MGST1: variants seen among roughly 807,000 people sequenced by gnomAD.
The protein encoded by MGST1 is microsomal glutathione S-transferase 1.
MGST1 carries 5 observed loss-of-function variants against 8.9 expected under a neutral mutation model. The ratio of observed to expected loss-of-function variants is 0.56; its 90% CI spans 0.29 to 1.19. The LOEUF (loss-of-function observed/expected upper bound fraction) is 1.19. MGST1 is among the 50% of genes most tolerant of loss of function. The probability of loss-of-function intolerance (pLI) is 0.08; values close to 1 mark genes in which losing one functional copy is unlikely to be tolerated. For missense variants in MGST1, 182 were observed against 187.4 expected (o/e 0.97, Z 0.17); for synonymous variants, 54 against 67.8 (o/e 0.80, Z 1.00).
At chr12:16,539,875 A>G (rs1185734622) in intron 4 of MGST1, among the ~76,000 whole-genome samples, 1 of 152,212 alleles carries the variant, frequency 6.6e-6, no homozygotes, top group Non-Finnish European at 1.5e-5. Flanking sequence ...AAAATAAACA[A>G]GGCCCTTCAT....
At chr12:16,373,877 T>C (rs905235906) in intron 3 of MGST1, among the ~76,000 whole-genome samples, 5 of 152,174 alleles carry the variant, frequency 3.3e-5, no homozygotes, top group African/African-American at 1.2e-4. Context: ...TGTTAAAGGA[T>C]TGAAATATTG....
intron 4 of MGST1, among the ~76,000 whole-genome samples, chr12:16,521,078 C>T (rs1433136510): frequency 2.0e-5 from 3 of 152,084 alleles, no homozygotes; most frequent in South Asian, 2.1e-4. Flanking sequence ...GATGACAGCA[C>T]GCAATTGATT....
At chr12:16,518,068 C>T (rs148719953) in intron 4 of MGST1, among the ~76,000 whole-genome samples, 92 of 152,294 alleles carry the variant, frequency 6.0e-4, no homozygotes, top group Non-Finnish European at 1.0e-3. Context: ...GTGACCACAA[C>T]GCATCCATGT....
chr12:16,453,634 T>C (rs963744210), intron 4 of MGST1, among the ~76,000 whole-genome samples: 2 of 151,922 alleles, frequency 1.3e-5, no homozygotes, highest in African/African-American at 2.4e-5. Context: ...AATGTCGGGA[T>C]CAAGGTGTTG....
rs541666988 is a variant in MGST1 at position 16,497,324 on chromosome 12, G to A, written n.483-92204G>A. Reference sequence around the variant, plus strand: ...ACAAATAATAGTTCTTTTTAATCATGGAAATGAGGTAGTGTTAATCAAGCA... The same window carrying A: ...ACAAATAATAGTTCTTTTTAATCATAGAAATGAGGTAGTGTTAATCAAGCA... On this transcript the variant is annotated intron_variant and non_coding_transcript_variant, in intron 4 of 4. Transcript: ENST00000538857. This position sits in a 1 kb window ranked among gnomAD's most constrained non-coding sequence, Gnocchi z 4.4. Among the ~76,000 whole-genome samples the A allele has an allele frequency of 3.9e-5, 6 of 152,198 alleles. No homozygotes were observed. Among genetic ancestry groups the A allele is most frequent in the Non-Finnish European group, 7.4e-5 (5 of 67,984 alleles).
At position 16,384,528 on chromosome 12, in the gene MGST1, C is replaced by T. The variant is rs140909753; in HGVS notation, n.778+924C>T. ...AGGTAGGAGAGAGGCAAGGAACAGA[C>T]GCCCTGGAGAATCCAGACAGAACCA... On this transcript the variant is annotated intron_variant and non_coding_transcript_variant, in intron 1 of 1. Transcript: ENST00000359720. Among the ~76,000 whole-genome samples the T allele has an allele frequency of 2.3e-3, 346 of 152,292 alleles. 2 individuals carry two copies. Among genetic ancestry groups the T allele is most frequent in the African/African-American group, 7.6e-3 (314 of 41,554 alleles).
intron 4 of MGST1, among the ~76,000 whole-genome samples, chr12:16,520,644 C>G (rs1263090337): frequency 1.3e-5 from 2 of 152,142 alleles, no homozygotes; most frequent in African/African-American, 4.8e-5. Flanking sequence ...ATGTCTGTCT[C>G]TCCTCTCCCT....
In MGST1 at chr12:16,484,447, C is replaced by G. The variant is rs193106188; in HGVS notation, n.482+100843C>G. 3.0e-4 allele frequency among the ~76,000 whole-genome samples: 45 copies of G among 152,072 alleles called. No individual in the cohort carries two copies. In the East Asian group the frequency reaches 8.1e-3, roughly 27 times the overall value. On this transcript the variant is annotated intron_variant and non_coding_transcript_variant, in intron 4 of 4. Transcript: ENST00000538857. ...TTATTTTTTTACTTTCTGTTTTAGT[C>G]CATTCTCACACTGCTGTAAATAAAT...
chr12:16,471,982 C>T (rs1419872884), intron 4 of MGST1, among the ~76,000 whole-genome samples: 1 of 152,100 alleles, frequency 6.6e-6, no homozygotes, highest in Non-Finnish European at 1.5e-5. Flanking sequence ...CACATACTCA[C>T]ACATTTCCCC....
At chr12:16,463,430 T>C (rs1386315679) in intron 4 of MGST1, among the ~76,000 whole-genome samples, 3 of 98,146 alleles carry the variant, frequency 3.1e-5, no homozygotes, top group Non-Finnish European at 4.0e-5. Flanking sequence ...AGGTAGTATA[T>C]GCTCTGGGGG....
intron 4 of MGST1, among the ~76,000 whole-genome samples, chr12:16,575,157 C>T (rs752475330): frequency 2.6e-5 from 4 of 152,044 alleles, no homozygotes; most frequent in Non-Finnish European, 5.9e-5. Context: ...TTATGATGTC[C>T]GTCATGTTTT....
chr12:16,526,803 T>A lies in MGST1; in HGVS notation n.483-62725T>A, dbSNP rs1313843552. 8.6e-5 allele frequency among the ~76,000 whole-genome samples: 13 copies of A among 151,972 alleles called. 1 individual carries two copies. The highest frequency in any genetic ancestry group is 7.9e-4 in the Admixed American group (12 of 15,230). On this transcript the variant is annotated intron_variant and non_coding_transcript_variant, in intron 4 of 4. Transcript: ENST00000538857. Reference sequence around the variant, plus strand: ...AGGAAGGGAGAAGCCCTGTTTTGAATGCCAAAATCTGGAAAAAGTGAGTCA... The same window carrying A: ...AGGAAGGGAGAAGCCCTGTTTTGAAAGCCAAAATCTGGAAAAAGTGAGTCA...
At chr12:16,441,820 T>G (rs752365754), downstream of MGST1, among the ~76,000 whole-genome samples, 3 of 151,840 alleles carry the variant, frequency 2.0e-5, no homozygotes, top group Non-Finnish European at 4.4e-5. Flanking sequence ...CAAGTTTTTG[T>G]GTAGACATAA....
intron 2 of MGST1, 108 bp from the exon 3 acceptor site, chr12:16,357,497 G>A (rs1030512038): frequency 3.8e-5 from 30 of 791,246 alleles, no homozygotes; most frequent in Non-Finnish European, 5.2e-5. Context: ...TTGAATTCTT[G>A]GGCTCAAGCA....
chr12:16,510,496 A>G (rs528878473), intron 4 of MGST1, among the ~76,000 whole-genome samples: 1 of 152,302 alleles, frequency 6.6e-6, no homozygotes, highest in Non-Finnish European at 1.5e-5. Context: ...ATTGAGTTAT[A>G]TTTGTCTTTA....
At chr12:16,495,617 G>A (rs1023983050) in intron 4 of MGST1, among the ~76,000 whole-genome samples, 11 of 151,536 alleles carry the variant, frequency 7.3e-5, no homozygotes, top group African/African-American at 9.7e-5. Flanking sequence ...TTTTCCAACC[G>A]GAAAATGACC....
chr12:16,405,183 T>C (rs2137066847), intron 1 of MGST1, among the ~76,000 whole-genome samples: 1 of 152,158 alleles, frequency 6.6e-6, no homozygotes, highest in South Asian at 2.1e-4. Context: ...AAAATCGAGC[T>C]GAACCAAAAG....
At chr12:16,553,301 A>C (rs1296391698) in intron 4 of MGST1, among the ~76,000 whole-genome samples, 94 of 152,074 alleles carry the variant, frequency 6.2e-4, no homozygotes, top group Non-Finnish European at 2.1e-4. Flanking sequence ...TGGATTCAAG[A>C]CTCAAGCTTT....
At chr12:16,350,665 A>G (rs1939418886) in intron 1 of MGST1, 1 of 152,196 alleles carries the variant, frequency 6.6e-6, no homozygotes, top group Non-Finnish European at 1.5e-5. Flanking sequence ...AAAGTTTACA[A>G]CAGCATTGCC....
Sources: gnomAD v4.1 joint callset for allele counts (sites outside exome capture counted in the v4.1 genomes callset) on GRCh38, gnomAD v4.1.1 for gene constraint, Gnocchi (gnomAD v3.1) non-coding constraint, MANE v1.5 for transcripts, NCBI Gene and HGNC (gene_info 2026-07-23, HGNC 2026-07-21) for gene names.